The following BCR variants were observed in gnomAD, a reference collection of about 807,000 sequenced individuals.
BCR encodes the protein breakpoint cluster region protein.
Under a neutral mutation model 138.6 loss-of-function variants are expected in BCR, and 58 were observed. The observed-to-expected ratio is 0.42, with a 90% CI of 0.34 to 0.52. BCR has a LOEUF of 0.52. Among genes scored for constraint, BCR ranks in the 20% least tolerant of loss-of-function variants. BCR has a pLI of 0.06. For synonymous variants in BCR, 786 were observed against 730.1 expected, an observed-to-expected ratio of 1.08 and a Z score of -1.23; for missense variants, 1,599 against 1,727.2, an observed-to-expected ratio of 0.93 and a Z score of 1.32.
chr22:23,255,792 C>A (rs2073287789), intron 2 of BCR, among the ~76,000 whole-genome samples: 1 of 152,224 alleles, frequency 6.6e-6, no homozygotes, highest in South Asian at 2.1e-4. Flanking sequence ...CTGCTCCCTG[C>A]TTCTGCCCTC....
At chr22:23,280,987 GCACA>G (rs2073637358) in intron 8 of BCR, among the ~76,000 whole-genome samples, 1 of 152,236 alleles carries the variant, frequency 6.6e-6, no homozygotes, top group African/African-American at 2.4e-5. Context: ...ACATGGAGAT[GCACA>G]CAGTGAGACA....
chr22:23,249,690 G>C (rs1198128999), intron 1 of BCR, among the ~76,000 whole-genome samples: 1 of 152,090 alleles, frequency 6.6e-6, no homozygotes, highest in African/African-American at 2.4e-5. Flanking sequence ...TGGTTAGAAT[G>C]GGGGGATGAG....
intron 16 of BCR, among the ~76,000 whole-genome samples, chr22:23,308,244 C>T (rs1299771336): frequency 1.3e-5 from 2 of 152,196 alleles, no homozygotes; most frequent in Non-Finnish European, 2.9e-5. Context: ...GTGTAAATCC[C>T]AGGTCCCACT....
At chr22:23,263,462 G>A in intron 4 of BCR, 10 of 1,463,550 alleles carry the variant, frequency 6.8e-6, no homozygotes, top group Non-Finnish European at 9.6e-6. Flanking sequence ...TTCTGCTGAA[G>A]TGGAGATGCA....
In BCR at chr22:23,181,479, G is replaced by A; in HGVS notation, c.519G>A (p.Glu173=). The part of the protein sequence containing the change: ...KGHGQPGADA[E]KPFYVNVEFH... ...ATGGCCAGCCCGGGGCGGACGCCGA[G>A]AAGCCCTTCTACGTGAACGTCGAGT... The change falls in exon 1 of 23, where the codon GAG becomes GAA. Residue 173 remains glutamate, a synonymous_variant. Coordinates refer to ENST00000305877, the MANE Select transcript of BCR (RefSeq NM_004327.4). 1 of 1,610,240 alleles carries A rather than the reference G, an allele frequency of 6.2e-7. No individual in the cohort carries two copies. The highest frequency in any genetic ancestry group is 8.5e-7 in the Non-Finnish European group (1 of 1,177,944).
chr22:23,182,061 C>T lies in BCR; in HGVS notation c.1101C>T (p.Ser367=), dbSNP rs962222060. ...CCTACCGCATGTTCCGGGACAAAAG[C>T]CGCTCTCCCTCGCAGAACTCGCAAC... The part of the protein sequence containing the change: ...PTTYRMFRDK[S]RSPSQNSQQS... The change falls in exon 1 of 23, where the codon AGC becomes AGT. Residue 367 remains serine, a synonymous_variant. Coordinates refer to ENST00000305877, the MANE Select transcript of BCR (RefSeq NM_004327.4). 1.9e-6 allele frequency: 3 copies of T among 1,613,590 alleles called. No individual in the cohort carries two copies. Among genetic ancestry groups the T allele is most frequent in the Non-Finnish European group, 2.5e-6 (3 of 1,180,014 alleles).
intron 1 of BCR, among the ~76,000 whole-genome samples, chr22:23,182,588 G>T (rs2072285397): frequency 6.6e-6 from 1 of 152,210 alleles, no homozygotes; most frequent in African/African-American, 2.4e-5. Flanking sequence ...TCTCCATGCC[G>T]GGCAGTGAGG....
intron 8 of BCR, among the ~76,000 whole-genome samples, chr22:23,275,300 C>T (rs143392635): frequency 2.2e-3 from 333 of 152,366 alleles, no homozygotes; most frequent in Admixed American, 3.0e-3. Flanking sequence ...ATGCCAGCAT[C>T]GTGAGGACCG....
At chr22:23,199,345 C>T (rs79771021) in intron 1 of BCR, 6,090 of 517,036 alleles carry the variant, frequency 0.012, 298 homozygotes, top group African/African-American at 0.11. Context: ...CTGGCTTCCC[C>T]GGCCCTTGTG....
rs147585456 is a variant in BCR, at chr22:23,242,725, C to T, written c.1280-11074C>T. On this transcript the variant is annotated intron_variant, in intron 1 of 22. Transcript: ENST00000305877. The stretch of plus-strand genomic sequence containing the variant: ...TCTCTGTCCTCAGACTCCATGGCAC[C>T]GAGTTCAGGCCATGTCTTAGTGTCC... 9.0e-4 allele frequency: 311 copies of T among 346,500 alleles called. 1 individual carries two copies. The highest frequency in any genetic ancestry group is 6.0e-3 in the African/African-American group (280 of 46,778). The allele number at this position is 346,500 out of a possible 1,614,324, so 21.5% of individuals were successfully genotyped here.
At chr22:23,250,441 G>C (rs1487709614) in intron 1 of BCR, among the ~76,000 whole-genome samples, 6 of 152,178 alleles carry the variant, frequency 3.9e-5, no homozygotes, top group African/African-American at 1.2e-4. Flanking sequence ...TCTTTCTCTA[G>C]TGATAAGTGG....
At chr22:23,182,817 G>A (rs936083331) in intron 1 of BCR, among the ~76,000 whole-genome samples, 3 of 152,206 alleles carry the variant, frequency 2.0e-5, no homozygotes, top group Non-Finnish European at 4.4e-5. Flanking sequence ...CAGCAGGTGA[G>A]AATAGGAATT....
At chr22:23,212,852 C>T (rs1289826653) in intron 1 of BCR, among the ~76,000 whole-genome samples, 1 of 152,202 alleles carries the variant, frequency 6.6e-6, no homozygotes, top group African/African-American at 2.4e-5. Context: ...GCTGCACACC[C>T]TGTTCTGAAT....
intron 1 of BCR, among the ~76,000 whole-genome samples, chr22:23,237,292 C>T (rs1005359952): frequency 9.2e-5 from 14 of 152,174 alleles, no homozygotes; most frequent in Admixed American, 6.5e-5. Context: ...CAGCTGTGCT[C>T]ATGGAGGCAG....
intron 1 of BCR, among the ~76,000 whole-genome samples, chr22:23,213,467 A>G (rs1265130242): frequency 1.3e-5 from 2 of 152,218 alleles, no homozygotes; most frequent in Non-Finnish European, 1.5e-5. Context: ...TGCACTGAGC[A>G]TGTCATTCAC....
At chr22:23,249,599 C>T (rs1001595819) in intron 1 of BCR, among the ~76,000 whole-genome samples, 1 of 151,628 alleles carries the variant, frequency 6.6e-6, no homozygotes, top group Non-Finnish European at 1.5e-5. Flanking sequence ...AATAAAATCA[C>T]GGGTGGGGGG....
At chr22:23,210,688 C>CGAAA (rs2146219396) in intron 1 of BCR, among the ~76,000 whole-genome samples, 1 of 152,282 alleles carries the variant, frequency 6.6e-6, no homozygotes, top group Admixed American at 6.5e-5. Flanking sequence ...TGTGCTTTCT[C>CGAAA]CCCTTACAGT....
chr22:23,275,594 T>A (rs2146291224), intron 8 of BCR, among the ~76,000 whole-genome samples: 1 of 152,318 alleles, frequency 6.6e-6, no homozygotes, highest in Middle Eastern at 3.4e-3. Flanking sequence ...ATCTTGCTTC[T>A]TGGAGCAACA....
chr22:23,233,808 A>G (rs1196832774), intron 1 of BCR, among the ~76,000 whole-genome samples: 6 of 98,060 alleles, frequency 6.1e-5, no homozygotes, highest in Admixed American at 2.0e-4. Context: ...AAAAAAGAAA[A>G]AAAAGAAAAA....
Sources: allele counts gnomAD v4.1 joint callset (sites outside exome capture counted in the v4.1 genomes callset), GRCh38; gene constraint gnomAD v4.1.1; transcripts MANE v1.5; gene names NCBI Gene and HGNC (gene_info 2026-07-23, HGNC 2026-07-21).